Variants in CIROZ observed in about 807,000 individuals in gnomAD.
CIROZ encodes ciliated left-right organizer ZP-N domains-containing protein.
the CIROZ span, chr1:10,947,987 A>T: frequency 1.2e-6 from 2 of 1,613,518 alleles, no homozygotes; most frequent in East Asian, 2.2e-5. Flanking sequence ...GTGTCAGAAG[A>T]GCTGCTGGGC....
chr1:10,957,686 A>G, the CIROZ span: 3 of 1,614,066 alleles, frequency 1.9e-6, no homozygotes, highest in Non-Finnish European at 2.5e-6. Context: ...GTCCACATAC[A>G]GTCCCATCAG....
the CIROZ span, among the ~76,000 whole-genome samples, chr1:10,956,362 T>A: frequency 6.6e-6 from 1 of 151,936 alleles, no homozygotes; most frequent in African/African-American, 2.4e-5. Context: ...CCCTGGAGGG[T>A]CTGACCAGGC....
At chr1:10,976,368 C>T in the CIROZ span, 1 of 733,834 alleles carries the variant, frequency 1.4e-6, no homozygotes, top group Non-Finnish European at 2.2e-6. Flanking sequence ...CGGAGTCTCG[C>T]TCCGTCACCC....
chr1:10,976,253 G>A, the CIROZ span: 12 of 1,535,500 alleles, frequency 7.8e-6, no homozygotes, highest in Admixed American at 5.9e-5. Context: ...CAAGCCAGAC[G>A]GCCCTGCGGG....
chr1:10,959,293 C>T, the CIROZ span, among the ~76,000 whole-genome samples: 1 of 152,166 alleles, frequency 6.6e-6, no homozygotes, highest in Non-Finnish European at 1.5e-5. This position sits in a 1 kb window ranked among gnomAD's most constrained non-coding sequence, Gnocchi z 4.3. Context: ...ATTTTCAGTG[C>T]TAAAACTGAG....
chr1:10,971,892 C>T, the CIROZ span, among the ~76,000 whole-genome samples: 15 of 152,148 alleles, frequency 9.9e-5, no homozygotes, highest in Non-Finnish European at 1.9e-4. Flanking sequence ...TGGAGCCTGA[C>T]CTGCCCTGAA....
the CIROZ span, among the ~76,000 whole-genome samples, chr1:10,973,400 T>G: frequency 6.6e-6 from 1 of 151,806 alleles, no homozygotes; most frequent in Non-Finnish European, 1.5e-5. Flanking sequence ...ATAAAAATTT[T>G]AAAAAGACTA....
At chr1:10,969,462 A>T in the CIROZ span, among the ~76,000 whole-genome samples, 1 of 152,162 alleles carries the variant, frequency 6.6e-6, no homozygotes, top group Non-Finnish European at 1.5e-5. Flanking sequence ...CAAGCATGTG[A>T]TGGCCTCCCA....
At chr1:10,951,741 A>ATATAT in the CIROZ span, among the ~76,000 whole-genome samples, 3 of 130,542 alleles carry the variant, frequency 2.3e-5, no homozygotes, top group African/African-American at 9.7e-5. Context: ...AAAAAAAAAA[A>ATATAT]AAAAATATAT....
chr1:10,960,635 G>A, the CIROZ span, among the ~76,000 whole-genome samples: 26 of 152,212 alleles, frequency 1.7e-4, no homozygotes, highest in Admixed American at 1.6e-3. This position sits in a 1 kb window ranked among gnomAD's most constrained non-coding sequence, Gnocchi z 4.6. Flanking sequence ...CCTCCCGCTC[G>A]GGGCCTGTGG....
the CIROZ span, chr1:10,956,972 G>A: frequency 2.7e-6 from 4 of 1,461,390 alleles, no homozygotes; most frequent in Non-Finnish European, 3.7e-6. Flanking sequence ...AAACAGACCA[G>A]AATGTGATGA....
At chr1:10,973,327 C>T in the CIROZ span, among the ~76,000 whole-genome samples, 1 of 152,136 alleles carries the variant, frequency 6.6e-6, no homozygotes, top group Non-Finnish European at 1.5e-5. Flanking sequence ...GGGCAGAGAT[C>T]ATACCACTGC....
the CIROZ span, among the ~76,000 whole-genome samples, chr1:10,965,086 T>C: frequency 6.6e-6 from 1 of 151,904 alleles, no homozygotes; most frequent in African/African-American, 2.4e-5. Flanking sequence ...ACTTCAAAGA[T>C]GTCAAACCAA....
the CIROZ span, chr1:10,948,259 G>A: frequency 5.3e-5 from 86 of 1,613,828 alleles, no homozygotes; most frequent in South Asian, 6.4e-4. Context: ...CCTGTCTGGC[G>A]TGGCCTCTCC....
At chr1:10,951,499 T>G in the CIROZ span, among the ~76,000 whole-genome samples, 1 of 150,484 alleles carries the variant, frequency 6.6e-6, no homozygotes, top group African/African-American at 2.5e-5. Context: ...TGAGCCAAGA[T>G]TGCGTCATTG....
At chr1:10,964,846 G>A in the CIROZ span, among the ~76,000 whole-genome samples, 1 of 152,306 alleles carries the variant, frequency 6.6e-6, no homozygotes, top group Admixed American at 6.5e-5. Context: ...GGCCAGGCTG[G>A]TGTTGAACTC....
the CIROZ span, among the ~76,000 whole-genome samples, chr1:10,970,877 G>T: frequency 6.6e-6 from 1 of 150,864 alleles, no homozygotes; most frequent in African/African-American, 2.4e-5. Context: ...AGGCATGGGG[G>T]CTCATACCTG....
chr1:10,955,247 T>C, the CIROZ span: 1 of 1,480,086 alleles, frequency 6.8e-7, no homozygotes, highest in Non-Finnish European at 9.2e-7. Context: ...GTGGACAAAT[T>C]AAGTGGTGGT....
At chr1:10,973,939 C>T in the CIROZ span, among the ~76,000 whole-genome samples, 45 of 147,978 alleles carry the variant, frequency 3.0e-4, no homozygotes, top group African/African-American at 1.1e-3. Context: ...CCTGCACCCT[C>T]GGGGACCCCA....
Sources: gnomAD v4.1 joint callset for allele counts (sites outside exome capture counted in the v4.1 genomes callset) on GRCh38, gnomAD v4.1.1 for gene constraint, Gnocchi (gnomAD v3.1) non-coding constraint, MANE v1.5 for transcripts, NCBI Gene and HGNC (gene_info 2026-07-23, HGNC 2026-07-21) for gene names.